ERBB4: variants seen among roughly 807,000 people sequenced by gnomAD.
ERBB4 encodes the protein receptor tyrosine-protein kinase erbB-4.
A neutral mutation model predicts 158.0 loss-of-function variants in ERBB4; 42 were observed. The observed-to-expected ratio is 0.27, with a 90% confidence interval of 0.21 to 0.34. The LOEUF is 0.34. Ranked by LOEUF, ERBB4 falls within the 10% of genes least tolerant of loss-of-function variation. ERBB4 has a pLI of 1.00. For missense variants in ERBB4, 1,333 were observed against 1,624.1 expected (o/e 0.82, Z 3.08); for synonymous variants, 583 against 558.7 (o/e 1.04, Z -0.61).
At chr2:211,857,883 T>G (rs202128385) in intron 3 of ERBB4, among the ~76,000 whole-genome samples, 2 of 152,142 alleles carry the variant, frequency 1.3e-5, no homozygotes, top group East Asian at 3.9e-4. Context: ...ATAGTAAGAG[T>G]GAAGCACACG....
chr2:211,839,365 T>TA (rs57264718), intron 3 of ERBB4, among the ~76,000 whole-genome samples: 52,595 of 151,198 alleles, frequency 0.35, 10,933 homozygotes, highest in Admixed American at 0.48. Flanking sequence ...CAAGATATAA[T>TA]AAAAAAAAAT....
intron 2 of ERBB4, among the ~76,000 whole-genome samples, chr2:212,097,267 G>A (rs7564926): frequency 0.76 from 115,469 of 151,948 alleles, 45,452 homozygotes; most frequent in East Asian, 1. Flanking sequence ...GGAAAAGTGT[G>A]CCATTACAAT....
At chr2:212,459,501 A>T (rs1688465987) in intron 1 of ERBB4, among the ~76,000 whole-genome samples, 1 of 152,206 alleles carries the variant, frequency 6.6e-6, no homozygotes, top group Non-Finnish European at 1.5e-5. Flanking sequence ...AAGTAATAAT[A>T]CTGTGAAAAT....
intron 16 of ERBB4, chr2:211,657,534 G>A (rs2071263951): frequency 1.8e-6 from 1 of 543,410 alleles, no homozygotes; most frequent in Admixed American, 3.1e-5. Context: ...GAAATCGATG[G>A]TGTTACTAAC....
At chr2:212,151,412 A>G (rs138141366) in intron 1 of ERBB4, among the ~76,000 whole-genome samples, 2 of 151,726 alleles carry the variant, frequency 1.3e-5, no homozygotes, top group African/African-American at 4.8e-5. Flanking sequence ...CAAACCATCA[A>G]TGTTACTGTA....
At chr2:211,998,529 CAAAAAA>C (rs36008694) in intron 2 of ERBB4, among the ~76,000 whole-genome samples, 1 of 116,286 alleles carries the variant, frequency 8.6e-6, no homozygotes. Context: ...CTCATACTGC[CAAAAAA>C]AAAAAAAAAA....
chr2:211,691,213 A>G (rs1327204906), intron 12 of ERBB4, among the ~76,000 whole-genome samples: 1 of 152,142 alleles, frequency 6.6e-6, no homozygotes, highest in East Asian at 1.9e-4. Flanking sequence ...CTCTGTAATT[A>G]CCCAGGTAGC....
chr2:211,702,177 G>T lies in ERBB4; in HGVS notation c.1290-11C>A. ...AGCAAGGACAGGCCACTAAGGAGGG[G>T]GAAGTGAGAAAACGGAACCATGAAA... On this transcript the variant is annotated splice_polypyrimidine_tract_variant and intron_variant, in intron 11 of 27. Transcript: ENST00000342788. 6.2e-7 allele frequency: 1 copy of T among 1,611,572 alleles called. No individual in the cohort carries two copies. The highest frequency in any genetic ancestry group is 8.5e-7 in the Non-Finnish European group (1 of 1,177,754).
intron 2 of ERBB4, among the ~76,000 whole-genome samples, chr2:212,021,745 T>C (rs1282318922): frequency 2.6e-5 from 4 of 152,024 alleles, no homozygotes; most frequent in Non-Finnish European, 5.9e-5. Context: ...ACTAAAAAGC[T>C]TCTGCAAAGC....
At chr2:212,431,490 C>A (rs1283638936) in intron 1 of ERBB4, among the ~76,000 whole-genome samples, 1 of 152,028 alleles carries the variant, frequency 6.6e-6, no homozygotes, top group African/African-American at 2.4e-5. Flanking sequence ...CAATCTCTTA[C>A]TTGGAATATT....
At chr2:211,729,791 C>A (rs1283891942) in intron 5 of ERBB4, among the ~76,000 whole-genome samples, 1 of 151,890 alleles carries the variant, frequency 6.6e-6, no homozygotes, top group South Asian at 2.1e-4. Context: ...TTAATTCCAT[C>A]CTTGCTCAAA....
At position 211,383,607 on chromosome 2, in the gene ERBB4, A is replaced by T. The variant is rs376832876; in HGVS notation, c.*8T>A. On this transcript the variant is annotated 3_prime_UTR_variant, in exon 28 of 28. Transcript: ENST00000342788. ...TGTGTCTCTCCACCTAAAAAACCACAACTGAGCTTACACCACAGTATTCCG... is the reference window on the plus strand; with the variant it reads ...TGTGTCTCTCCACCTAAAAAACCACTACTGAGCTTACACCACAGTATTCCG... The T allele has an allele frequency of 1.9e-6, 3 of 1,611,612 alleles. No individual in the cohort carries two copies. The African/African-American group carries it at 4.0e-5, about 22-fold the overall frequency.
intron 1 of ERBB4, among the ~76,000 whole-genome samples, chr2:212,425,381 A>G (rs995550265): frequency 1.3e-5 from 2 of 148,566 alleles, no homozygotes; most frequent in Non-Finnish European, 3.0e-5. Flanking sequence ...CATATATATG[A>G]ACATATATGT....
intron 20 of ERBB4, among the ~76,000 whole-genome samples, chr2:211,436,005 G>A (rs1400397591): frequency 6.6e-6 from 1 of 151,970 alleles, no homozygotes; most frequent in Non-Finnish European, 1.5e-5. Context: ...CATCCAGGCT[G>A]GAGTGCAGTG....
intron 2 of ERBB4, among the ~76,000 whole-genome samples, chr2:212,018,835 T>G (rs2076582965): frequency 1.3e-5 from 2 of 152,136 alleles, no homozygotes; most frequent in South Asian, 4.1e-4. Flanking sequence ...AGGGAGAACA[T>G]TCAAATTGGG....
intron 19 of ERBB4, among the ~76,000 whole-genome samples, chr2:211,595,561 T>A (rs1406735186): frequency 6.6e-6 from 1 of 152,166 alleles, no homozygotes; most frequent in Non-Finnish European, 1.5e-5. Flanking sequence ...ATAGGAATTA[T>A]ATCAGAAACA....
rs746564234 is a variant in ERBB4, at chr2:212,355,568, G to A, written c.82+182881C>T. ...ACTTTAAGGCATAGCAAGGCTGCTC[G>A]TTATTGTAATAGTTATGAGCCTATT... On this transcript the variant is annotated intron_variant, in intron 1 of 27. Transcript: ENST00000342788. 3.9e-5 allele frequency among the ~76,000 whole-genome samples: 6 copies of A among 151,948 alleles called. 1 individual carries two copies. Among genetic ancestry groups the A allele is most frequent in the Non-Finnish European group, 5.9e-5 (4 of 67,972 alleles).
At chr2:212,203,884 C>A (rs936301306) in intron 1 of ERBB4, among the ~76,000 whole-genome samples, 1 of 152,172 alleles carries the variant, frequency 6.6e-6, no homozygotes, top group African/African-American at 2.4e-5. Flanking sequence ...CTCTTTTTAA[C>A]TTTGTTTCTA....
intron 2 of ERBB4, among the ~76,000 whole-genome samples, chr2:212,079,816 T>C (rs1180828701): frequency 6.6e-6 from 1 of 152,122 alleles, no homozygotes; most frequent in Non-Finnish European, 1.5e-5. Flanking sequence ...GATTTCCTGT[T>C]TCTTCTTTCT....
Sources: allele counts gnomAD v4.1 joint callset (sites outside exome capture counted in the v4.1 genomes callset), GRCh38; gene constraint gnomAD v4.1.1; transcripts MANE v1.5; gene names NCBI Gene and HGNC (gene_info 2026-07-23, HGNC 2026-07-21).